The following PTK2 variants were observed in gnomAD, a reference collection of about 807,000 sequenced individuals.
PTK2 encodes protein tyrosine kinase 2.
Under a neutral mutation model 150.1 loss-of-function variants are expected in PTK2, and 45 were observed. The observed-to-expected ratio is 0.30, with a 90% CI of 0.24 to 0.38. The LOEUF is 0.38. Ranked by LOEUF, PTK2 falls within the 10% of genes least tolerant of loss-of-function variation. PTK2 has a pLI of 1.00. For synonymous variants in PTK2, 432 were observed against 449.2 expected, an observed-to-expected ratio of 0.96 and a Z score of 0.48; for missense variants, 919 against 1,307.3, an observed-to-expected ratio of 0.70 and a Z score of 4.58.
intron 23 of PTK2, 122 bp downstream of exon 26, chr8:140,717,476 A>G (rs1247606649): frequency 2.7e-6 from 2 of 730,434 alleles, no homozygotes; most frequent in Non-Finnish European, 4.8e-6. Flanking sequence ...AGTTGGTGTT[A>G]TAACTATTAC....
chr8:140,694,828 G>A (rs557956617), intron 26 of PTK2, among the ~76,000 whole-genome samples: 28 of 152,264 alleles, frequency 1.8e-4, no homozygotes, highest in Admixed American at 1.6e-3. Flanking sequence ...CATAAAGCAC[G>A]TGTGCTCATA....
intron 4 of PTK2, among the ~76,000 whole-genome samples, chr8:140,870,057 C>T (rs1033851325): frequency 3.3e-5 from 5 of 151,890 alleles, no homozygotes; most frequent in African/African-American, 4.8e-5. Context: ...CACAAACACA[C>T]CCGCCCTCTT....
chr8:140,743,064 G>GGAT (rs1432864532), intron 20 of PTK2, among the ~76,000 whole-genome samples, 166 bp downstream of exon 23: 2 of 152,172 alleles, frequency 1.3e-5, no homozygotes, highest in African/African-American at 4.8e-5. Context: ...TTTTGCCTAA[G>GGAT]GATGTCCAAC....
At chr8:140,785,801 C>A (rs1464258047) in intron 14 of PTK2, among the ~76,000 whole-genome samples, 1 of 152,188 alleles carries the variant, frequency 6.6e-6, no homozygotes, top group Non-Finnish European at 1.5e-5. Flanking sequence ...GAATTTAATT[C>A]TTCATATCTG....
At chr8:140,932,762 C>CA (rs1314098607) in intron 1 of PTK2, among the ~76,000 whole-genome samples, 1 of 152,138 alleles carries the variant, frequency 6.6e-6, no homozygotes, top group African/African-American at 2.4e-5. Flanking sequence ...TCCTGACTAA[C>CA]AGCAGCAGAG....
At chr8:140,820,409 G>A (rs992101704) in intron 8 of PTK2, among the ~76,000 whole-genome samples, 1 of 151,926 alleles carries the variant, frequency 6.6e-6, no homozygotes, top group African/African-American at 2.4e-5. Context: ...CCTGAATTAT[G>A]TTTTAACAGG....
At chr8:140,951,717 A>G (rs1481107504) in intron 1 of PTK2, among the ~76,000 whole-genome samples, 1 of 152,018 alleles carries the variant, frequency 6.6e-6, no homozygotes, top group African/African-American at 2.4e-5. Context: ...ATTCATCTCT[A>G]CAAAAAAATT....
intron 14 of PTK2, among the ~76,000 whole-genome samples, chr8:140,781,789 C>T (rs1194949773): frequency 2.0e-5 from 3 of 152,186 alleles, no homozygotes; most frequent in Non-Finnish European, 4.4e-5. Context: ...ACATACGATG[C>T]TGATATTTCA....
At chr8:140,977,564 G>A (rs1015053919) in intron 1 of PTK2, among the ~76,000 whole-genome samples, 12 of 151,522 alleles carry the variant, frequency 7.9e-5, no homozygotes, top group Non-Finnish European at 1.2e-4. Flanking sequence ...GGAGGTTGCA[G>A]TGAGACGAGA....
intron 1 of PTK2, among the ~76,000 whole-genome samples, chr8:140,972,678 AC>A (rs1477241878): frequency 6.6e-6 from 1 of 152,092 alleles, no homozygotes; most frequent in African/African-American, 2.4e-5. Context: ...CATCTGCAAA[AC>A]CTAAAATATT....
chr8:140,827,281 T>C (rs1442979960), intron 8 of PTK2, among the ~76,000 whole-genome samples: 1 of 152,088 alleles, frequency 6.6e-6, no homozygotes, highest in East Asian at 1.9e-4. Context: ...CTGACCTCTG[T>C]TTCCTAGACA....
At chr8:140,795,423 A>G (rs900334766) in intron 12 of PTK2, among the ~76,000 whole-genome samples, 1 of 152,102 alleles carries the variant, frequency 6.6e-6, no homozygotes, top group Non-Finnish European at 1.5e-5. Flanking sequence ...AGCCTTCAAT[A>G]GGGAATAGCC....
At chr8:140,828,435 T>C (rs1325008492) in intron 8 of PTK2, among the ~76,000 whole-genome samples, 1 of 152,140 alleles carries the variant, frequency 6.6e-6, no homozygotes, top group African/African-American at 2.4e-5. Flanking sequence ...AATATGGGGA[T>C]CCTTTAAAAA....
chr8:140,987,015 T>C (rs986022507), intron 1 of PTK2, among the ~76,000 whole-genome samples: 4 of 152,014 alleles, frequency 2.6e-5, no homozygotes, highest in Non-Finnish European at 5.9e-5. Flanking sequence ...AACTCATAAA[T>C]GGGACATCAT....
At chr8:140,944,751 A>G (rs1020035157) in intron 1 of PTK2, among the ~76,000 whole-genome samples, 2 of 152,258 alleles carry the variant, frequency 1.3e-5, no homozygotes, top group Admixed American at 6.5e-5. Flanking sequence ...CCCACTGAAC[A>G]TAACGGCCTG....
At chr8:140,963,030 T>C (rs994498226) in intron 1 of PTK2, among the ~76,000 whole-genome samples, 1 of 152,004 alleles carries the variant, frequency 6.6e-6, no homozygotes, top group Non-Finnish European at 1.5e-5. Context: ...TAAATACATA[T>C]TTACAAAAGC....
At chr8:140,851,639 G>A (rs11997647) in intron 5 of PTK2, among the ~76,000 whole-genome samples, 64,437 of 151,950 alleles carry the variant, frequency 0.42, 15,359 homozygotes, top group Non-Finnish European at 0.55. Context: ...CAGGTGGATC[G>A]CTTGAGCTCA....
At chr8:140,828,419 G>A (rs1442482579) in intron 8 of PTK2, among the ~76,000 whole-genome samples, 2 of 152,086 alleles carry the variant, frequency 1.3e-5, no homozygotes, top group East Asian at 1.9e-4. Flanking sequence ...CTGTGGTTCC[G>A]TTTTGAATAT....
chr8:140,983,144 T>C (rs924661801), intron 1 of PTK2, among the ~76,000 whole-genome samples: 5 of 152,126 alleles, frequency 3.3e-5, no homozygotes, highest in African/African-American at 9.7e-5. Flanking sequence ...CCCAGCACTT[T>C]GGGAGGCCAA....
Sources: gnomAD v4.1 joint callset for allele counts (sites outside exome capture counted in the v4.1 genomes callset) on GRCh38, gnomAD v4.1.1 for gene constraint, MANE v1.5 for transcripts, NCBI Gene and HGNC (gene_info 2026-07-23, HGNC 2026-07-21) for gene names.